DNAH17: variants seen among roughly 807,000 people sequenced by gnomAD.
DNAH17 encodes dynein axonemal heavy chain 17.
Under a neutral mutation model 485.6 loss-of-function variants are expected in DNAH17, and 376 were observed. The observed-to-expected ratio is 0.77, with a 90% CI of 0.71 to 0.84. The LOEUF (loss-of-function observed/expected upper bound fraction) is 0.84, where lower values mean the gene tolerates loss of function less well. Among genes scored for constraint, DNAH17 ranks in the 40% least tolerant of loss-of-function variants. The pLI is 0.00. For missense variants in DNAH17, 6,370 were observed against 5,839.3 expected, an observed-to-expected ratio of 1.09 and a Z score of -2.96; for synonymous variants, 3,031 against 2,405.9, an observed-to-expected ratio of 1.26 and a Z score of -7.60.
At position 78,427,085 on chromosome 17, in the gene DNAH17, G is replaced by T. The variant is rs1317139675; in HGVS notation, c.12612C>A (p.Ile4204=). Residue 4204 remains isoleucine (I), a synonymous_variant, in exon 78 of 81, where the codon ATC becomes ATA. Coordinates refer to ENST00000389840, the MANE Select transcript of DNAH17 (RefSeq NM_173628.4). The part of the protein sequence containing the change: ...EEKVKAVLDD[I]LEKIPETFNM... ...TGAAAGTCTCCGGAATCTTCTCCAG[G>T]ATGTCGTCCAGCACGGCCTTCACCT... The T allele has an allele frequency of 1.3e-6, 2 of 1,583,330 alleles. No homozygotes were observed. The highest frequency in any genetic ancestry group is 1.7e-6 in the Non-Finnish European group (2 of 1,164,900).
At chr17:78,532,934 A>G (rs531134690) in intron 19 of DNAH17, 198 bp from the exon 20 acceptor site, 7 of 579,346 alleles carry the variant, frequency 1.2e-5, no homozygotes, top group Non-Finnish European at 2.1e-5. Flanking sequence ...CTGGGAGGTC[A>G]CCATACTGAT....
chr17:78,449,658 T>C (rs12948135), intron 68 of DNAH17, 74 bp from the exon 69 acceptor site: 53 of 1,295,440 alleles, frequency 4.1e-5, no homozygotes, highest in Middle Eastern at 1.9e-4. Flanking sequence ...CACCACTCCC[T>C]GCCACCTGTG....
At chr17:78,478,819 C>T (rs186274220) in intron 51 of DNAH17, 9 of 548,460 alleles carry the variant, frequency 1.6e-5, no homozygotes, top group Non-Finnish European at 2.9e-5. Context: ...CATCACATCA[C>T]CATCATCACG....
intron 56 of DNAH17, among the ~76,000 whole-genome samples, chr17:78,466,126 CT>C (rs1425672609): frequency 6.6e-6 from 1 of 152,214 alleles, no homozygotes; most frequent in East Asian, 1.9e-4. Context: ...GATCTGTGAC[CT>C]TACCCCCAGC....
intron 14 of DNAH17, among the ~76,000 whole-genome samples, chr17:78,555,961 CAG>C (rs1467807653): frequency 6.6e-6 from 1 of 152,250 alleles, no homozygotes; most frequent in African/African-American, 2.4e-5. Context: ...GCTTTGGACT[CAG>C]AGTAACACCA....
At position 78,464,421 on chromosome 17, in the gene DNAH17, G is replaced by A. The variant is rs56868886; in HGVS notation, c.8941-1344C>T. On this transcript the variant is annotated intron_variant, in intron 56 of 80. Coordinates refer to ENST00000389840, the MANE Select transcript of DNAH17 (RefSeq NM_173628.4). ...ATTACAGGCATGCACCACCACACCC[G>A]GCTAATTTTTTATATTTTTGGTAGA... 5.5e-3 allele frequency among the ~76,000 whole-genome samples: 839 copies of A among 152,218 alleles called. 9 individuals carry two copies. The highest frequency in any genetic ancestry group is 0.018 in the African/African-American group (764 of 41,542).
intron 16 of DNAH17, 93 bp downstream of exon 16, chr17:78,551,442 A>G (rs2143561161): frequency 8.7e-7 from 1 of 1,149,204 alleles, no homozygotes. Flanking sequence ...CACACATCGC[A>G]GCACTTTCCA....
intron 77 of DNAH17, chr17:78,428,184 C>T: frequency 2.6e-6 from 1 of 389,416 alleles, no homozygotes; most frequent in Non-Finnish European, 4.9e-6. Flanking sequence ...GCTGGCCAGG[C>T]CAGGGTGGGG....
intron 38 of DNAH17, 78 bp from the exon 39 acceptor site, chr17:78,495,175 AGG>A (rs2090023366): frequency 2.7e-6 from 4 of 1,473,132 alleles, no homozygotes; most frequent in Non-Finnish European, 3.6e-6. Context: ...CTCTTCACCT[AGG>A]AGAGCACACC....
chr17:78,575,691 A>T (rs2092424026), intron 1 of DNAH17, among the ~76,000 whole-genome samples: 1 of 152,092 alleles, frequency 6.6e-6, no homozygotes, highest in Non-Finnish European at 1.5e-5. Context: ...GACCCCTCAC[A>T]AGCTGCTCAG....
chr17:78,566,900 G>A (rs2092276336), intron 10 of DNAH17, 99 bp downstream of exon 10: 3 of 1,435,510 alleles, frequency 2.1e-6, no homozygotes, highest in Non-Finnish European at 1.9e-6. Context: ...CCTGGCACCT[G>A]CTTCCTCCGT....
intron 6 of DNAH17, 76 bp downstream of exon 6, chr17:78,570,872 A>AAAG (rs2092344198): frequency 7.6e-6 from 6 of 794,220 alleles, no homozygotes; most frequent in Middle Eastern, 4.1e-4. Flanking sequence ...AAAAAAAAAA[A>AAAG]AAAAAAGAAA....
chr17:78,477,704 G>A (rs2089099112), intron 51 of DNAH17, among the ~76,000 whole-genome samples: 1 of 152,154 alleles, frequency 6.6e-6, no homozygotes, highest in South Asian at 2.1e-4. Flanking sequence ...GGGAGGAGGT[G>A]GGCATAACTT....
chr17:78,565,463 G>C (rs2092248080), intron 11 of DNAH17, among the ~76,000 whole-genome samples: 1 of 152,214 alleles, frequency 6.6e-6, no homozygotes, highest in African/African-American at 2.4e-5. Flanking sequence ...TTGTCGGGGA[G>C]AGATCTTTGT....
intron 16 of DNAH17, among the ~76,000 whole-genome samples, chr17:78,544,484 G>A (rs1176787738): frequency 6.6e-6 from 1 of 152,160 alleles, no homozygotes. Flanking sequence ...TGGCTCCCCT[G>A]CAAGTGGGAG....
At chr17:78,569,343 G>T in intron 8 of DNAH17, 32 bp downstream of exon 8, 3 of 1,610,782 alleles carry the variant, frequency 1.9e-6, no homozygotes, top group Non-Finnish European at 2.5e-6. Context: ...CACTCGTCCT[G>T]CCTTGGCCCT....
chr17:78,569,132 G>A (rs776454976), intron 9 of DNAH17, 34 bp downstream of exon 9: 1 of 1,520,774 alleles, frequency 6.6e-7, no homozygotes, highest in Non-Finnish European at 9.0e-7. Context: ...AGTCTGGGAA[G>A]TGGAGGTCAA....
At chr17:78,461,768 G>A (rs963188824) in intron 57 of DNAH17, 60 bp from the exon 58 acceptor site, 3 of 1,528,084 alleles carry the variant, frequency 2.0e-6, no homozygotes, top group Non-Finnish European at 2.6e-6. Flanking sequence ...ACGCCGCCCT[G>A]CACTGGGCAG....
rs186982790 is a variant in DNAH17, at chr17:78,470,159, C to T, written c.8512-1276G>A. On this transcript the variant is annotated intron_variant, in intron 54 of 80. Coordinates refer to ENST00000389840, the MANE Select transcript of DNAH17 (RefSeq NM_173628.4). ...CGCGATCTTGGCTCACTTCAACCTC[C>T]GCCTCCCGGGTTCAAGGAGTTCTCC... Among the ~76,000 whole-genome samples the T allele has an allele frequency of 3.3e-4, 49 of 149,324 alleles. No homozygotes were observed. The East Asian group carries it at 6.2e-3, about 19-fold the overall frequency.
Sources: allele counts gnomAD v4.1 joint callset (sites outside exome capture counted in the v4.1 genomes callset), GRCh38; gene constraint gnomAD v4.1.1; transcripts MANE v1.5; gene names NCBI Gene and HGNC (gene_info 2026-07-23, HGNC 2026-07-21).